ANKRD26: variants seen among roughly 807,000 people sequenced by gnomAD.
ANKRD26 encodes the protein ankyrin repeat domain-containing protein 26.
ANKRD26 carries 141 observed loss-of-function variants against 208.7 expected under a neutral mutation model. The ratio of observed to expected loss-of-function variants is 0.68; its 90% CI spans 0.59 to 0.78. ANKRD26 has a LOEUF of 0.78. Among genes scored for constraint, ANKRD26 ranks in the 30% least tolerant of loss-of-function variants. The probability of loss-of-function intolerance (pLI) is 0.00; values close to 1 mark genes in which losing one functional copy is unlikely to be tolerated. For missense variants in ANKRD26, 1,889 were observed against 1,938.7 expected (o/e 0.97, Z 0.48); for synonymous variants, 636 against 660.4 (o/e 0.96, Z 0.57).
At chr10:27,080,626 C>T (rs755947561) in intron 6 of ANKRD26, 2 of 985,374 alleles carry the variant, frequency 2.0e-6, no homozygotes, top group Non-Finnish European at 2.4e-6. Flanking sequence ...TAAACACCTT[C>T]CTTCCTATAA....
intron 9 of ANKRD26, among the ~76,000 whole-genome samples, chr10:27,067,579 G>A (rs1364180819): frequency 6.6e-6 from 1 of 152,172 alleles, no homozygotes; most frequent in Non-Finnish European, 1.5e-5. Flanking sequence ...AGAGGGGGCA[G>A]GTGTCTCACA....
chr10:27,085,603 G>T (rs1178691756), intron 5 of ANKRD26, among the ~76,000 whole-genome samples: 1 of 152,122 alleles, frequency 6.6e-6, no homozygotes, highest in Non-Finnish European at 1.5e-5. Flanking sequence ...CACTGGCTAA[G>T]TTCTGCAGTT....
intron 11 of ANKRD26, among the ~76,000 whole-genome samples, chr10:27,065,603 C>T (rs867406694): frequency 5.5e-4 from 84 of 151,938 alleles, no homozygotes; most frequent in African/African-American, 2.0e-3. Flanking sequence ...TACACTACCA[C>T]TCAACCAAAT....
At chr10:27,049,374 C>A (rs1468160663) in intron 16 of ANKRD26, among the ~76,000 whole-genome samples, 1 of 152,090 alleles carries the variant, frequency 6.6e-6, no homozygotes, top group African/African-American at 2.4e-5. Flanking sequence ...GCCTTTTTAC[C>A]ACCTGGATTT....
At chr10:26,976,927 A>C in intron 5 of ANKRD26, among the ~76,000 whole-genome samples, 1 of 152,124 alleles carries the variant, frequency 6.6e-6, no homozygotes, top group Non-Finnish European at 1.5e-5. Context: ...AGGACTACGA[A>C]CACACCTGCC....
chr10:27,077,457 C>T lies in ANKRD26; in HGVS notation c.958G>A (p.Val320Ile), dbSNP rs368041056. The change falls in exon 9 of 34, where the codon GTT becomes ATT. Residue 320 changes from valine (V) to isoleucine (I), a missense_variant. This residue lies in a region of ANKRD26 where 1,272 missense variants were observed against 1,273.8 expected (regional missense o/e 1.00). Coordinates refer to ENST00000376087, the MANE Select transcript of ANKRD26 (RefSeq NM_014915.3). ...ATTGATGTTGTAGGAAGGCTTTCAA[C>T]CACAACTTCATCTTGACTATCGGAA... ...RDSDSQDEVV[V>I]ESLPTTSIKV... is the part of the protein sequence containing the mutation. The T allele has an allele frequency of 2.2e-5, 35 of 1,614,004 alleles. 1 individual carries two copies. The South Asian group carries it at 3.7e-4, about 17-fold the overall frequency.
At chr10:27,064,169 G>T in intron 11 of ANKRD26, 88 bp from the exon 12 acceptor site, 2 of 1,031,040 alleles carry the variant, frequency 1.9e-6, no homozygotes, top group Non-Finnish European at 1.4e-6. Flanking sequence ...AATATAATAT[G>T]AATTTCCTAT....
chr10:26,960,203 G>A, the ANKRD26 span, among the ~76,000 whole-genome samples: 4 of 152,168 alleles, frequency 2.6e-5, no homozygotes, highest in East Asian at 5.8e-4. Context: ...ATCTAGGCTA[G>A]CCCGTGATTG....
intron 3 of ANKRD26, 72 bp downstream of exon 3, chr10:27,093,277 A>C: frequency 7.0e-7 from 1 of 1,427,034 alleles, no homozygotes; most frequent in Non-Finnish European, 9.7e-7. Context: ...ACAGAAAACT[A>C]ACCCTTACAT....
intron 5 of ANKRD26, among the ~76,000 whole-genome samples, chr10:26,978,324 C>T (rs967004329): frequency 3.3e-5 from 5 of 151,986 alleles, no homozygotes; most frequent in Non-Finnish European, 5.9e-5. Flanking sequence ...GGCATGGTGG[C>T]ACGTGCCTGT....
Position 27,056,693 on chromosome 10 carries a change from C to T in ANKRD26, c.1565-3303G>A, listed in dbSNP as rs377718782. Among the ~76,000 whole-genome samples the T allele has an allele frequency of 7.2e-5, 11 of 151,986 alleles. No individual in the cohort carries two copies. The East Asian group carries it at 2.2e-3, about 30-fold the overall frequency. On this transcript the variant is annotated intron_variant, in intron 15 of 33. Transcript: ENST00000376087. ...TTGGGAGGCTGAGGAAGGAGAATCG[C>T]TTGAACCCGGGAGGCAGAGGTTGTA...
At chr10:26,980,819 C>T (rs2052296395) in exon 5 of ANKRD26, among the ~76,000 whole-genome samples, 1 of 151,538 alleles carries the variant, frequency 6.6e-6, no homozygotes, top group African/African-American at 2.4e-5. Flanking sequence ...TCAGAGAGGT[C>T]GGAGTAAGCT....
chr10:26,959,343 G>C, the ANKRD26 span, among the ~76,000 whole-genome samples: 1 of 151,184 alleles, frequency 6.6e-6, no homozygotes, highest in Non-Finnish European at 1.5e-5. Context: ...CGTAGTGAAA[G>C]TGGAGGTTAT....
chr10:27,051,317 T>C, intron 16 of ANKRD26: 1 of 1,282,940 alleles, frequency 7.8e-7, no homozygotes, highest in Non-Finnish European at 1.0e-6. Context: ...TGTAAGCGTC[T>C]GTACCAGCAG....
intron 20 of ANKRD26, among the ~76,000 whole-genome samples, chr10:27,042,128 G>T (rs542921752): frequency 6.6e-6 from 1 of 151,884 alleles, no homozygotes; most frequent in East Asian, 1.9e-4. Context: ...ACACAACAGA[G>T]TCGAGAAGCA....
At chr10:27,056,155 T>G (rs2054831424) in intron 15 of ANKRD26, among the ~76,000 whole-genome samples, 1 of 152,134 alleles carries the variant, frequency 6.6e-6, no homozygotes, top group Admixed American at 6.5e-5. Flanking sequence ...AAACACAAAG[T>G]ACTTTCGCTA....
intron 13 of ANKRD26, 116 bp downstream of exon 13, chr10:27,061,028 C>T (rs964332336): frequency 9.9e-6 from 8 of 804,640 alleles, no homozygotes; most frequent in African/African-American, 1.7e-5. Flanking sequence ...AGTTATGATG[C>T]CACTTTACTT....
rs2053997964 is a variant in ANKRD26 at position 27,035,043 on chromosome 10, A to G, written c.3407T>C (p.Leu1136Ser). 1 of 1,613,954 alleles carries G rather than the reference A, an allele frequency of 6.2e-7. No homozygotes were observed. The highest frequency in any genetic ancestry group is 8.5e-7 in the Non-Finnish European group (1 of 1,179,912). Residue 1136 changes from leucine (L) to serine (S), a missense_variant, in exon 24 of 34, where the codon TTG becomes TCG. Around this residue, in one of 3 missense-constraint regions of ANKRD26, gnomAD observed 613 missense variants for 648.2 expected, o/e 0.95. Coordinates refer to ENST00000376087, the MANE Select transcript of ANKRD26 (RefSeq NM_014915.3). ...IGKQESVEER[L>S]SQLQSENMLL... ...CATATTCTCACTTTGTAGTTGAGAC[A>G]ATCTCTCCTCTACAGACTCCTGCTT...
chr10:27,077,034 G>A (rs1238641804), intron 9 of ANKRD26: 1 of 358,000 alleles, frequency 2.8e-6, no homozygotes, highest in Non-Finnish European at 5.1e-6. Context: ...AGCCAGAAAA[G>A]GACATAACAA....
Sources: gnomAD v4.1 joint callset for allele counts (sites outside exome capture counted in the v4.1 genomes callset) on GRCh38, gnomAD v4.1.1 for gene constraint, gnomAD v4.1.1 regional missense constraint, MANE v1.5 for transcripts, NCBI Gene and HGNC (gene_info 2026-07-23, HGNC 2026-07-21) for gene names.